The following POR variants were observed in gnomAD, a reference collection of about 807,000 sequenced individuals.
The protein encoded by POR is cytochrome p450 oxidoreductase.
In POR, 56 loss-of-function variants were observed where a neutral mutation model predicts 84.0. The ratio of observed to expected loss-of-function variants is 0.67; its 90% confidence interval spans 0.54 to 0.83. The LOEUF is 0.83. Among genes scored for constraint, POR ranks in the 40% least tolerant of loss-of-function variants. The pLI, the probability that POR is intolerant of heterozygous loss-of-function variation, is 0.00. For synonymous variants in POR, 414 were observed against 400.5 expected (o/e 1.03, Z -0.40); for missense variants, 938 against 944.3 (o/e 0.99, Z 0.09).
At chr7:75,971,490 G>A (rs377306725) in intron 2 of POR, among the ~76,000 whole-genome samples, 1 of 151,932 alleles carries the variant, frequency 6.6e-6, no homozygotes, top group Non-Finnish European at 1.5e-5. Flanking sequence ...ACAGAAGAAC[G>A]GAAAATGGGG....
intron 2 of POR, among the ~76,000 whole-genome samples, 182 bp downstream of exon 2, chr7:75,954,362 G>A (rs1288249688): frequency 6.6e-6 from 1 of 151,998 alleles, no homozygotes; most frequent in Non-Finnish European, 1.5e-5. Context: ...TCTTATGTGG[G>A]GTTTATAAGG....
chr7:75,968,140 A>G, intron 2 of POR: 1 of 457,032 alleles, frequency 2.2e-6, no homozygotes, highest in Non-Finnish European at 4.4e-6. Context: ...TCAGTTCCTG[A>G]CACTGTCCCT....
rs143865731 is a variant in POR at position 75,922,951 on chromosome 7, G to A, written c.-5+7772G>A. On this transcript the variant is annotated intron_variant, in intron 1 of 15. Transcript: ENST00000461988. ...TTCCTGGCGGCAGAAACATGACAAGGTGTGTCTCAGACGACTAGAAGTAAA... is the reference window on the plus strand; with the variant it reads ...TTCCTGGCGGCAGAAACATGACAAGATGTGTCTCAGACGACTAGAAGTAAA... 91 of 678,188 alleles carry A rather than the reference G, an allele frequency of 1.3e-4. 1 individual carries two copies. The African/African-American group carries it at 1.5e-3, about 11-fold the overall frequency. 42.0% of individuals were successfully genotyped at this position (678,188 alleles called of 1,614,324 possible).
intron 1 of POR, chr7:75,947,043 G>C (rs1315386949): frequency 6.6e-6 from 1 of 152,166 alleles, no homozygotes; most frequent in African/African-American, 2.4e-5. Flanking sequence ...GCTTGGGACA[G>C]TTCACGGTTC....
chr7:75,921,536 A>G (rs1225691329), intron 1 of POR, among the ~76,000 whole-genome samples: 1 of 151,974 alleles, frequency 6.6e-6, no homozygotes, highest in Non-Finnish European at 1.5e-5. Context: ...TGCTGGGATT[A>G]CAGCAGGCGT....
At chr7:75,972,754 C>G (rs561920558) in intron 3 of POR, 41 of 490,462 alleles carry the variant, frequency 8.4e-5, no homozygotes, top group African/African-American at 4.7e-4. Flanking sequence ...CTGGCCTGTC[C>G]AGGAGCAGAG....
intron 1 of POR, among the ~76,000 whole-genome samples, chr7:75,916,673 G>A (rs1445340664): frequency 1.3e-5 from 2 of 152,258 alleles, no homozygotes; most frequent in South Asian, 4.1e-4. Flanking sequence ...TGGTGGTGTG[G>A]AAACTTAGGA....
Position 75,986,822 on chromosome 7 carries a change from C to T in POR, c.*341C>T, listed in dbSNP as rs1789508423. ...GTGAGTGTAAATAATTTTAAATAAC[C>T]TCTGGCCCTTGGAATAAAGTTCTGT... On this transcript the variant is annotated 3_prime_UTR_variant, in exon 16 of 16. Transcript: ENST00000461988. The T allele has an allele frequency of 3.5e-6, 2 of 576,492 alleles. No homozygotes were observed. The highest frequency in any genetic ancestry group is 6.1e-6 in the Non-Finnish European group (2 of 327,478). 35.7% of individuals were successfully genotyped at this position (576,492 alleles called of 1,614,324 possible). A position where few individuals can be genotyped will look rare whatever the true frequency, so the allele number is the denominator to read the frequency against.
At chr7:75,953,717 G>A (rs987346721) in intron 1 of POR, among the ~76,000 whole-genome samples, 6 of 152,166 alleles carry the variant, frequency 3.9e-5, no homozygotes, top group Non-Finnish European at 8.8e-5. Context: ...GTCTTCCAGG[G>A]ACCCAGTCCC....
Position 75,983,586 on chromosome 7 carries a change from C to T in POR, c.897C>T (p.Thr299=), listed in dbSNP as rs180683888. Residue 299 remains threonine, a synonymous_variant, in exon 9 of 16, where the codon ACC becomes ACT. Transcript: ENST00000461988. ...CCAACCGGAAGCTGAACCAGGGAACCGAGCGCCACCTCATGCACCTGGAAT... is the reference window on the plus strand; with the variant it reads ...CCAACCGGAAGCTGAACCAGGGAACTGAGCGCCACCTCATGCACCTGGAAT... 4.6e-5 allele frequency: 75 copies of T among 1,613,132 alleles called. No individual in the cohort carries two copies. Among genetic ancestry groups the T allele is most frequent in the Middle Eastern group, 3.3e-4 (2 of 6,060 alleles).
intron 2 of POR, among the ~76,000 whole-genome samples, chr7:75,969,056 G>C (rs147263948): frequency 2.6e-5 from 4 of 152,224 alleles, no homozygotes; most frequent in African/African-American, 9.6e-5. Flanking sequence ...AGCCATAAGC[G>C]TCTGCTCCCT....
At chr7:75,959,174 A>C (rs1183693060) in intron 2 of POR, among the ~76,000 whole-genome samples, 2 of 152,146 alleles carry the variant, frequency 1.3e-5, no homozygotes, top group Non-Finnish European at 2.9e-5. Flanking sequence ...GGAGTTGGAG[A>C]CCAGCCTGGG....
chr7:75,947,964 C>T (rs571136094), intron 1 of POR, among the ~76,000 whole-genome samples: 1 of 152,176 alleles, frequency 6.6e-6, no homozygotes, highest in Non-Finnish European at 1.5e-5. Context: ...CCCCCAGGCA[C>T]ACTGCTTGGA....
intron 2 of POR, among the ~76,000 whole-genome samples, chr7:75,959,277 T>G (rs1163877004): frequency 1.3e-5 from 2 of 152,110 alleles, no homozygotes; most frequent in Non-Finnish European, 2.9e-5. Flanking sequence ...CAAGCCTAGA[T>G]CTCCTATTCT....
In POR at chr7:75,980,424, A is replaced by G. The variant is rs1554557550; in HGVS notation, c.452A>G (p.Asn151Ser). Residue 151 changes from asparagine to serine, a missense_variant, in exon 5 of 16, where the codon AAT (asparagine) becomes AGT (serine). Asn to Ser is a conservative substitution (Grantham distance 46). Transcript: ENST00000461988. The stretch of plus-strand genomic sequence containing the variant: ...TACGGTGAGGGAGACCCCACCGACA[A>G]TGCCCAGGACTTCTACGACTGGCTG... The G allele has an allele frequency of 6.2e-7, 1 of 1,613,230 alleles. No homozygotes were observed. Among genetic ancestry groups the G allele is most frequent in the Admixed American group, 1.7e-5 (1 of 60,020 alleles).
rs112270565 is a variant in POR at position 75,983,756 on chromosome 7, C to T, written c.966C>T (p.His322=). Residue 322 remains histidine (H), a synonymous_variant, in exon 10 of 16, where the codon CAC becomes CAT. Transcript: ENST00000461988. ...CCTCCAGGTATGAATCTGGGGACCACGTGGCTGTGTACCCAGCCAACGACT... is the reference window on the plus strand; with the variant it reads ...CCTCCAGGTATGAATCTGGGGACCATGTGGCTGTGTACCCAGCCAACGACT... The T allele has an allele frequency of 1.1e-5, 17 of 1,610,132 alleles. No individual in the cohort carries two copies. Among genetic ancestry groups the T allele is most frequent in the Admixed American group, 6.7e-5 (4 of 59,906 alleles).
chr7:75,986,605 C>T lies in POR; in HGVS notation c.*124C>T. ...ATGGGCGCAGGCCCAGTGACAAAGA[C>T]TCCTCTGGGCCTGGGGTGCATCCTC... On this transcript the variant is annotated 3_prime_UTR_variant, in exon 16 of 16. Transcript: ENST00000461988. The T allele has an allele frequency of 8.0e-7, 1 of 1,249,906 alleles. No homozygotes were observed. The highest frequency in any genetic ancestry group is 1.4e-5 in the South Asian group (1 of 69,188). The allele number at this position is 1,249,906 out of a possible 1,614,324, so 77.4% of individuals were successfully genotyped here. A position where few individuals can be genotyped will look rare whatever the true frequency, so the allele number is the denominator to read the frequency against.
intron 1 of POR, among the ~76,000 whole-genome samples, chr7:75,925,811 G>A (rs537020907): frequency 5.9e-5 from 9 of 152,250 alleles, no homozygotes; most frequent in African/African-American, 1.7e-4. Context: ...GTTCAGGCTC[G>A]GTTGTAAATT....
intron 4 of POR, 95 bp from the exon 5 acceptor site, chr7:75,980,244 C>T: frequency 3.4e-6 from 5 of 1,458,206 alleles, no homozygotes; most frequent in Non-Finnish European, 4.6e-6. Flanking sequence ...CCTGGTGCCA[C>T]CCTGGGCAGG....
Sources: allele counts gnomAD v4.1 joint callset (sites outside exome capture counted in the v4.1 genomes callset), GRCh38; gene constraint gnomAD v4.1.1; transcripts MANE v1.5; gene names NCBI Gene and HGNC (gene_info 2026-07-23, HGNC 2026-07-21).